NTMT2: variants seen among roughly 807,000 people sequenced by gnomAD.
NTMT2 encodes X-Pro-Lys N-terminal protein methyltransferase 1B.
NTMT2 carries 21 observed loss-of-function variants against 23.4 expected under a neutral mutation model. That is an observed-to-expected ratio of 0.90 (90% CI 0.64 to 1.29). NTMT2 has a LOEUF of 1.29. Ranked by LOEUF, NTMT2 falls within the 50% of genes most tolerant of loss-of-function variation. The probability of loss-of-function intolerance (pLI) is 0.00; values close to 1 mark genes in which losing one functional copy is unlikely to be tolerated. For missense variants in NTMT2, 336 were observed against 352.0 expected, an observed-to-expected ratio of 0.95 and a Z score of 0.36; for synonymous variants, 131 against 127.7, an observed-to-expected ratio of 1.03 and a Z score of -0.17.
chr1:170,160,516 A>T lies in NTMT2; in HGVS notation c.155-2A>T, dbSNP rs1355153024. ...TACCTATTAATAATGTTTCATTTGCAGTGAAATTGTACGCTTTAACAAGCC... is the reference window on the plus strand; with the variant it reads ...TACCTATTAATAATGTTTCATTTGCTGTGAAATTGTACGCTTTAACAAGCC... On this transcript the variant is annotated splice_acceptor_variant, in intron 1 of 3. Transcript: ENST00000439373. LOFTEE classifies it high-confidence loss of function. 6.6e-7 allele frequency: 1 copy of T among 1,522,328 alleles called. No homozygotes were observed. The highest frequency in any genetic ancestry group is 1.4e-5 in the African/African-American group (1 of 71,350). The allele number at this position is 1,522,328 out of a possible 1,614,324, so 94.3% of individuals were successfully genotyped here. A position where few individuals can be genotyped will look rare whatever the true frequency, so the allele number is the denominator to read the frequency against.
At position 170,160,694 on chromosome 1, in the gene NTMT2, G is replaced by T; in HGVS notation, c.330+1G>T. 6.5e-7 allele frequency: 1 copy of T among 1,528,752 alleles called. No homozygotes were observed. 94.7% of individuals were successfully genotyped at this position (1,528,752 alleles called of 1,614,324 possible). On this transcript the variant is annotated splice_donor_variant, in intron 2 of 3. Transcript: ENST00000439373. LOFTEE classifies it high-confidence loss of function. Reference sequence around the variant, plus strand: ...GAAATTTCTTAGGAAATTTGTTGGGGTGAGTTATTCAACTGCAGCTTGATG... The same window carrying T: ...GAAATTTCTTAGGAAATTTGTTGGGTTGAGTTATTCAACTGCAGCTTGATG...
In NTMT2 at chr1:170,166,484, C is replaced by T. The variant is rs370161493; in HGVS notation, c.331-18C>T. On this transcript the variant is annotated intron_variant, in intron 2 of 3. Transcript: ENST00000439373. ...GGATGGGTCTCTGTACTTGAAATATCAAGGTGCCTTTCTGCAGGGGCCTGG... is the reference window on the plus strand; with the variant it reads ...GGATGGGTCTCTGTACTTGAAATATTAAGGTGCCTTTCTGCAGGGGCCTGG... The T allele has an allele frequency of 3.9e-6, 6 of 1,552,006 alleles. No homozygotes were observed. The highest frequency in any genetic ancestry group is 5.2e-6 in the Non-Finnish European group (6 of 1,147,058).
At chr1:170,153,304 G>A (rs1017645192) in intron 1 of NTMT2, among the ~76,000 whole-genome samples, 2 of 152,232 alleles carry the variant, frequency 1.3e-5, no homozygotes, top group African/African-American at 4.8e-5. Context: ...TGCCTGACAT[G>A]TGGAAGCATC....
chr1:170,148,307 C>T (rs1418285536), intron 1 of NTMT2, among the ~76,000 whole-genome samples: 1 of 150,184 alleles, frequency 6.7e-6, no homozygotes, highest in Admixed American at 6.6e-5. Context: ...CGCTACCATG[C>T]CCGGCTATTT....
chr1:170,164,690 C>A (rs988906600), intron 2 of NTMT2, among the ~76,000 whole-genome samples: 1 of 152,162 alleles, frequency 6.6e-6, no homozygotes, highest in African/African-American at 2.4e-5. Context: ...TTTAACATAG[C>A]ATTAGACAGA....
At chr1:170,153,786 A>G (rs1673114582) in intron 1 of NTMT2, among the ~76,000 whole-genome samples, 1 of 152,254 alleles carries the variant, frequency 6.6e-6, no homozygotes, top group East Asian at 1.9e-4. Flanking sequence ...CAGCCTAGCC[A>G]TGTGGCAAAG....
At chr1:170,158,009 G>A (rs533918455) in intron 1 of NTMT2, 1 of 152,082 alleles carries the variant, frequency 6.6e-6, no homozygotes, top group Admixed American at 6.5e-5. Flanking sequence ...CTTTTCATTG[G>A]ATTCCTGGTT....
chr1:170,150,574 A>C (rs1473774560), intron 1 of NTMT2, among the ~76,000 whole-genome samples: 2 of 152,142 alleles, frequency 1.3e-5, no homozygotes, highest in African/African-American at 2.4e-5. Context: ...ATCTTTTTTA[A>C]ACCACTACAT....
chr1:170,162,593 G>A (rs1673293982), intron 2 of NTMT2, among the ~76,000 whole-genome samples: 1 of 152,198 alleles, frequency 6.6e-6, no homozygotes, highest in African/African-American at 2.4e-5. Flanking sequence ...CTGGTTCTGA[G>A]AGAGTCAATC....
At chr1:170,147,075 G>A (rs188032513) in intron 1 of NTMT2, among the ~76,000 whole-genome samples, 366 of 152,262 alleles carry the variant, frequency 2.4e-3, no homozygotes, top group African/African-American at 8.3e-3. Context: ...TCTTAAGGTC[G>A]TTTGAAAGCC....
intron 1 of NTMT2, among the ~76,000 whole-genome samples, chr1:170,150,259 C>T (rs1020251753): frequency 6.6e-6 from 1 of 152,156 alleles, no homozygotes; most frequent in Non-Finnish European, 1.5e-5. Context: ...TGAAACATCC[C>T]TGGCAAGCTT....
chr1:170,162,891 T>G (rs1421671941), intron 2 of NTMT2, among the ~76,000 whole-genome samples: 3 of 151,782 alleles, frequency 2.0e-5, no homozygotes, highest in African/African-American at 7.3e-5. Flanking sequence ...TTTATTTATT[T>G]ACTTTTTTGG....
intron 1 of NTMT2, among the ~76,000 whole-genome samples, chr1:170,150,075 C>G (rs1405882794): frequency 1.3e-5 from 2 of 152,182 alleles, no homozygotes; most frequent in African/African-American, 4.8e-5. Context: ...AGGAACTTCT[C>G]CTGTAGGGTC....
At chr1:170,155,295 A>C (rs996229285) in intron 1 of NTMT2, among the ~76,000 whole-genome samples, 5 of 152,162 alleles carry the variant, frequency 3.3e-5, no homozygotes, top group African/African-American at 4.8e-5. Flanking sequence ...CCTATTCAAG[A>C]TCATAAAACT....
chr1:170,146,001 G>C lies in NTMT2; in HGVS notation c.-107G>C. 1 of 1,074,000 alleles carries C rather than the reference G, an allele frequency of 9.3e-7. No homozygotes were observed. The highest frequency in any genetic ancestry group is 1.3e-6 in the Non-Finnish European group (1 of 755,440). The allele number at this position is 1,074,000 out of a possible 1,614,324, so 66.5% of individuals were successfully genotyped here. ...TCCTGATATAGATGGAGAGGGGACT[G>C]GTTTAAAATGACAGTCTCAAGTTCA... On this transcript the variant is annotated 5_prime_UTR_variant, in exon 1 of 4. Coordinates refer to ENST00000439373, the MANE Select transcript of NTMT2 (RefSeq NM_001136107.2).
intron 1 of NTMT2, among the ~76,000 whole-genome samples, chr1:170,148,925 T>C (rs1673018257): frequency 6.6e-6 from 1 of 152,192 alleles, no homozygotes; most frequent in African/African-American, 2.4e-5. Flanking sequence ...GAATTCATTG[T>C]CCAGAACTAC....
At chr1:170,157,725 G>A (rs1014786314) in intron 1 of NTMT2, among the ~76,000 whole-genome samples, 1 of 152,080 alleles carries the variant, frequency 6.6e-6, no homozygotes, top group Non-Finnish European at 1.5e-5. Context: ...TCAAATTTAT[G>A]TCATATTTTG....
intron 1 of NTMT2, among the ~76,000 whole-genome samples, chr1:170,158,587 T>A (rs1231076485): frequency 1.3e-5 from 2 of 152,052 alleles, no homozygotes; most frequent in African/African-American, 4.8e-5. Context: ...CACTGTTAGA[T>A]CTTACAGTCT....
At position 170,166,538 on chromosome 1, in the gene NTMT2, T is replaced by G; in HGVS notation, c.367T>G (p.Cys123Gly). Reference sequence around the variant, plus strand: ...AGCTGGAACAGACTGCGCCTTGGACTGCGGCTCCGGGATAGGAAGGGTCAG... The same window carrying G: ...AGCTGGAACAGACTGCGCCTTGGACGGCGGCTCCGGGATAGGAAGGGTCAG... ...GRAGTDCALD[C>G]GSGIGRVSKH... Residue 123 changes from cysteine to glycine, a missense_variant, in exon 3 of 4, where the codon TGC (cysteine) becomes GGC (glycine). Physicochemically the swap from Cys to Gly is radical, Grantham distance 159. Transcript: ENST00000439373. 1 of 1,552,336 alleles carries G rather than the reference T, an allele frequency of 6.4e-7. No individual in the cohort carries two copies. Among genetic ancestry groups the G allele is most frequent in the Non-Finnish European group, 8.7e-7 (1 of 1,147,144 alleles).
Sources: gnomAD v4.1 joint callset for allele counts (sites outside exome capture counted in the v4.1 genomes callset) on GRCh38, gnomAD v4.1.1 for gene constraint, MANE v1.5 for transcripts, NCBI Gene and HGNC (gene_info 2026-07-23, HGNC 2026-07-21) for gene names.